The following ANKRD17 variants were observed in gnomAD, a reference collection of about 807,000 sequenced individuals.
ANKRD17 encodes the protein ankyrin repeat domain 17, also known as ankyrin repeat domain-containing protein 17.
A neutral mutation model predicts 229.7 loss-of-function variants in ANKRD17; 19 were observed. The ratio of observed to expected loss-of-function variants is 0.08; its 90% CI spans 0.06 to 0.12. ANKRD17 has a LOEUF of 0.12. Ranked by LOEUF, ANKRD17 falls within the 10% of genes least tolerant of loss-of-function variation. The pLI is 1.00. For missense variants in ANKRD17, 2,176 were observed against 3,176.8 expected, an observed-to-expected ratio of 0.68 and a Z score of 7.57; for synonymous variants, 1,112 against 1,146.1, an observed-to-expected ratio of 0.97 and a Z score of 0.60.
In ANKRD17 at chr4:73,098,491, T is replaced by C. The variant is rs76292527; in HGVS notation, c.4603A>G (p.Ser1535Gly). ...DEPEVLTEPP[S>G]ATTTTTIGIS... is the part of the protein sequence containing the mutation. ...CCTATGGTAGTAGTGGTTGTGGCAC[T>C]TGGAGGTTCTGTCAAGACTTCAGGC... The change falls in exon 26 of 34, where the codon AGT becomes GGT. Residue 1535 changes from serine to glycine, a missense_variant. Physicochemically the swap from Ser to Gly is moderately conservative, Grantham distance 56. Around this residue, in one of 18 missense-constraint regions of ANKRD17, gnomAD observed 105 missense variants for 118.3 expected, o/e 0.89. Transcript: ENST00000358602. 57 of 1,613,430 alleles carry C rather than the reference T, an allele frequency of 3.5e-5. 1 individual carries two copies. In the Middle Eastern group the frequency reaches 1.8e-3, roughly 51 times the overall value.
chr4:73,192,600 T>C (rs1340294499), intron 1 of ANKRD17, among the ~76,000 whole-genome samples: 1 of 151,998 alleles, frequency 6.6e-6, no homozygotes, highest in African/African-American at 2.4e-5. Flanking sequence ...TAGCAAACAA[T>C]TAATGAGAAA....
chr4:73,199,663 T>C (rs538356022), intron 1 of ANKRD17, among the ~76,000 whole-genome samples: 4 of 152,302 alleles, frequency 2.6e-5, no homozygotes, highest in African/African-American at 7.2e-5. Context: ...CTTTATTATT[T>C]AGTAGTACTA....
At chr4:73,185,607 G>A (rs1472576026) in intron 1 of ANKRD17, among the ~76,000 whole-genome samples, 1 of 152,042 alleles carries the variant, frequency 6.6e-6, no homozygotes, top group Non-Finnish European at 1.5e-5. Context: ...GTCAATGATT[G>A]ATTTTTAGGA....
Position 73,193,573 on chromosome 4 carries a change from T to C in ANKRD17, c.394-16040A>G, listed in dbSNP as rs148436562. Among the ~76,000 whole-genome samples the C allele has an allele frequency of 4.8e-4, 73 of 152,326 alleles. 1 individual carries two copies. The East Asian group carries it at 0.013, about 28-fold the overall frequency. On this transcript the variant is annotated intron_variant, in intron 1 of 33. Transcript: ENST00000358602. The stretch of plus-strand genomic sequence containing the variant: ...CTGCTTTTCCCTAATGGCTAATTAA[T>C]GGTGTTGAACACCTTTATCTTGTGT...
At chr4:73,087,707 C>T (rs1722339539) in intron 29 of ANKRD17, among the ~76,000 whole-genome samples, 1 of 152,134 alleles carries the variant, frequency 6.6e-6, no homozygotes, top group African/African-American at 2.4e-5. Context: ...CAAATTCATC[C>T]TCATTTTATT....
intron 29 of ANKRD17, 138 bp downstream of exon 29, chr4:73,090,526 AAAC>A (rs1160020304): frequency 2.8e-6 from 3 of 1,054,950 alleles, no homozygotes; most frequent in South Asian, 3.3e-5. Flanking sequence ...TACTAAACAC[AAAC>A]AACAGCATCT....
chr4:73,109,545 AAG>A (rs761983635), intron 24 of ANKRD17, among the ~76,000 whole-genome samples: 1 of 152,118 alleles, frequency 6.6e-6, no homozygotes, highest in Non-Finnish European at 1.5e-5. Flanking sequence ...CTGAAGGTGA[AAG>A]AGAGGTGGTG....
rs548499478 is a variant in ANKRD17, at chr4:73,127,883, A to G, written c.3235-2571T>C. The stretch of plus-strand genomic sequence containing the variant: ...AATTCCATTATAAGAAATGAAAAAC[A>G]AAAGACAAAAGGCAAAATCAGTAAG... On this transcript the variant is annotated intron_variant, in intron 16 of 33. Coordinates refer to ENST00000358602, the MANE Select transcript of ANKRD17 (RefSeq NM_032217.5). Among the ~76,000 whole-genome samples, 3 of 152,356 alleles carry G rather than the reference A, an allele frequency of 2.0e-5. No homozygotes were observed. The South Asian group carries it at 6.2e-4, about 32-fold the overall frequency.
In ANKRD17 at chr4:73,170,311, C is replaced by T. The variant is rs1296618944; in HGVS notation, c.547+7069G>A. ...CCCTAGCTCCTGGACAATCTTTCTA[C>T]ACACACCCTGTGCCAGAAGGGAACC... On this transcript the variant is annotated intron_variant, in intron 2 of 33. Coordinates refer to ENST00000358602, the MANE Select transcript of ANKRD17 (RefSeq NM_032217.5). 4.6e-5 allele frequency among the ~76,000 whole-genome samples: 7 copies of T among 152,062 alleles called. No individual in the cohort carries two copies. In the East Asian group the frequency reaches 1.2e-3, roughly 25 times the overall value.
rs749474501 is a variant in ANKRD17 at position 73,085,236 on chromosome 4, G to A, written c.7159+13C>T. 8.1e-6 allele frequency: 13 copies of A among 1,612,860 alleles called. No individual in the cohort carries two copies. Among genetic ancestry groups the A allele is most frequent in the Non-Finnish European group, 1.0e-5 (12 of 1,178,898 alleles). ...ATGCAGATTCTTATGGAATTACGGT[G>A]TATAAAACTCACCATTTGATGCTGA... On this transcript the variant is annotated intron_variant, in intron 30 of 33. Coordinates refer to ENST00000358602, the MANE Select transcript of ANKRD17 (RefSeq NM_032217.5).
chr4:73,192,829 T>G (rs1368581593), intron 1 of ANKRD17, among the ~76,000 whole-genome samples: 1 of 152,170 alleles, frequency 6.6e-6, no homozygotes, highest in Admixed American at 6.5e-5. Flanking sequence ...TAAAATATTG[T>G]AAGAATTAGT....
intron 1 of ANKRD17, among the ~76,000 whole-genome samples, chr4:73,230,756 CT>C (rs1467310673): frequency 6.6e-6 from 1 of 152,128 alleles, no homozygotes; most frequent in Non-Finnish European, 1.5e-5. Flanking sequence ...AAGTAATGTA[CT>C]AAACAAAGTA....
At chr4:73,148,738 TA>T in intron 8 of ANKRD17, 74 bp downstream of exon 8, 1 of 1,385,600 alleles carries the variant, frequency 7.2e-7, no homozygotes, top group Non-Finnish European at 1.0e-6. Flanking sequence ...GGTGAAATAC[TA>T]AAATCCAATT....
intron 2 of ANKRD17, among the ~76,000 whole-genome samples, chr4:73,175,982 G>C (rs1734681285): frequency 1.3e-5 from 2 of 148,684 alleles, no homozygotes; most frequent in South Asian, 4.4e-4. Flanking sequence ...AAAAGCTTCT[G>C]CACAGGAAAA....
Position 73,139,656 on chromosome 4 carries a change from T to C in ANKRD17, c.2960A>G (p.Gln987Arg). The change falls in exon 15 of 34, where the codon CAG becomes CGG. Residue 987 changes from glutamine to arginine, a missense_variant. Gln to Arg is a conservative substitution (Grantham distance 43). Around this residue, in one of 18 missense-constraint regions of ANKRD17, gnomAD observed 230 missense variants for 252.3 expected, o/e 0.91. Coordinates refer to ENST00000358602, the MANE Select transcript of ANKRD17 (RefSeq NM_032217.5). ...LTELQGVIVG[Q>R]PVLGQAQLAG... Reference sequence around the variant, plus strand: ...CAACTGTGCTTGGCCCAGTACTGGCTGTCCAACTATCACTCCTTGCAGTTC... The same window carrying C: ...CAACTGTGCTTGGCCCAGTACTGGCCGTCCAACTATCACTCCTTGCAGTTC... 6.2e-7 allele frequency: 1 copy of C among 1,614,162 alleles called. No individual in the cohort carries two copies. Among genetic ancestry groups the C allele is most frequent in the Non-Finnish European group, 8.5e-7 (1 of 1,180,010 alleles).
At chr4:73,143,746 T>C (rs758644208) in intron 11 of ANKRD17, among the ~76,000 whole-genome samples, 53 of 151,816 alleles carry the variant, frequency 3.5e-4, no homozygotes, top group Non-Finnish European at 6.0e-4. Context: ...GGCCTACATC[T>C]TTTTTTTGTT....
intron 1 of ANKRD17, chr4:73,222,853 C>T: frequency 1.2e-6 from 1 of 815,672 alleles, no homozygotes; most frequent in Non-Finnish European, 2.0e-6. Context: ...CCGTGTCTTG[C>T]TTTTATGCTC....
At chr4:73,200,830 G>C (rs1358869106) in intron 1 of ANKRD17, among the ~76,000 whole-genome samples, 1 of 151,886 alleles carries the variant, frequency 6.6e-6, no homozygotes, top group Non-Finnish European at 1.5e-5. Context: ...CCAGATCCCT[G>C]TACTCTTGTA....
intron 22 of ANKRD17, among the ~76,000 whole-genome samples, chr4:73,118,381 C>A (rs1276723731): frequency 6.6e-6 from 1 of 151,838 alleles, no homozygotes; most frequent in Non-Finnish European, 1.5e-5. Flanking sequence ...GAGGTACTTA[C>A]TTAAGTATCT....
Sources: allele counts gnomAD v4.1 joint callset (sites outside exome capture counted in the v4.1 genomes callset), GRCh38; gene constraint gnomAD v4.1.1; regional missense constraint gnomAD v4.1.1; transcripts MANE v1.5; gene names NCBI Gene and HGNC (gene_info 2026-07-23, HGNC 2026-07-21).